Variants in EYA4 observed in about 807,000 individuals in gnomAD.
EYA4 encodes protein phosphatase EYA4.
In EYA4, 31 loss-of-function variants were observed where a neutral mutation model predicts 87.9. The ratio of observed to expected loss-of-function variants is 0.35; its 90% CI spans 0.27 to 0.48. EYA4 has a LOEUF of 0.48. Among genes scored for constraint, EYA4 ranks in the 20% least tolerant of loss-of-function variants. The pLI is 0.99. For missense variants in EYA4, 678 were observed against 761.4 expected (o/e 0.89, Z 1.29); for synonymous variants, 263 against 270.6 (o/e 0.97, Z 0.28).
chr6:133,459,162 C>A (rs1041754072), intron 6 of EYA4, among the ~76,000 whole-genome samples: 2 of 152,052 alleles, frequency 1.3e-5, no homozygotes, highest in African/African-American at 4.8e-5. Context: ...AGTAAAGAAG[C>A]ATAAACTTTC....
intron 2 of EYA4, among the ~76,000 whole-genome samples, chr6:133,308,941 G>A: frequency 7.0e-6 from 1 of 142,294 alleles, no homozygotes; most frequent in Admixed American, 7.2e-5. Context: ...TTTCAGAGAG[G>A]TATTTTTTTG....
chr6:133,516,948 T>C (rs890309340), intron 17 of EYA4, among the ~76,000 whole-genome samples: 3 of 152,196 alleles, frequency 2.0e-5, no homozygotes, highest in Non-Finnish European at 4.4e-5. Context: ...TCCATGTCTT[T>C]GCTATTGTGA....
At chr6:133,441,208 T>C (rs1792249786) in intron 3 of EYA4, among the ~76,000 whole-genome samples, 2 of 152,220 alleles carry the variant, frequency 1.3e-5, no homozygotes, top group Admixed American at 6.5e-5. Flanking sequence ...TAATTTGCAT[T>C]GGCCCAGCTT....
intron 3 of EYA4, among the ~76,000 whole-genome samples, chr6:133,413,327 C>T (rs1297011180): frequency 6.6e-6 from 1 of 152,086 alleles, no homozygotes; most frequent in African/African-American, 2.4e-5. Flanking sequence ...AAAAGCCTGT[C>T]TATTGTGCCT....
In EYA4 at chr6:133,382,421, T is replaced by C; in HGVS notation, c.63T>C (p.Val21=). 1 of 1,611,376 alleles carries C rather than the reference T, an allele frequency of 6.2e-7. No homozygotes were observed. Among genetic ancestry groups the C allele is most frequent in the Non-Finnish European group, 8.5e-7 (1 of 1,177,620 alleles). The change falls in exon 3 of 20, where the codon GTT becomes GTC. Residue 21 remains valine, a synonymous_variant. Transcript: ENST00000355286. ...AGAAAACGTGCACAGAATCAGATGT[T>C]TCACAATCTCAGAATTCCAGGTACA... is the stretch of plus-strand genomic sequence containing the variant. ...SVKKTCTESD[V]SQSQNSRSME...
intron 2 of EYA4, among the ~76,000 whole-genome samples, chr6:133,314,135 G>A (rs1476278356): frequency 1.3e-5 from 2 of 151,942 alleles, no homozygotes; most frequent in South Asian, 4.1e-4. Flanking sequence ...ATATAACTAT[G>A]GTTAAATCAT....
In EYA4 at chr6:133,351,228, G is replaced by T. The variant is rs114099656; in HGVS notation, c.34-31164G>T. On this transcript the variant is annotated intron_variant, in intron 2 of 19. Transcript: ENST00000355286. ...TTACCATTAAGGTGTGAACTTTCAG[G>T]ATCTCAGTTGAATGTGTCCGGTATT... 3.5e-3 allele frequency among the ~76,000 whole-genome samples: 527 copies of T among 152,264 alleles called. 2 individuals carry two copies. Among genetic ancestry groups the T allele is most frequent in the African/African-American group, 0.012 (494 of 41,558 alleles).
intron 11 of EYA4, 83 bp from the exon 12 acceptor site, chr6:133,481,380 T>C: frequency 7.5e-7 from 1 of 1,334,914 alleles, no homozygotes; most frequent in Non-Finnish European, 1.1e-6. Context: ...TGTATAGGAA[T>C]TTGTTAAGAT....
chr6:133,450,047 G>A (rs535958825), intron 5 of EYA4, among the ~76,000 whole-genome samples: 4 of 151,840 alleles, frequency 2.6e-5, no homozygotes, highest in South Asian at 4.2e-4. Flanking sequence ...GTGCAGTGGC[G>A]CGATCTCCGC....
chr6:133,438,589 C>T (rs541507355), intron 3 of EYA4, among the ~76,000 whole-genome samples: 4 of 151,820 alleles, frequency 2.6e-5, no homozygotes, highest in South Asian at 2.1e-4. Flanking sequence ...ACTTTATGGA[C>T]GCTTACTGTA....
chr6:133,476,760 T>C (rs1203192448), intron 11 of EYA4, among the ~76,000 whole-genome samples: 2 of 152,118 alleles, frequency 1.3e-5, no homozygotes, highest in Admixed American at 6.6e-5. Flanking sequence ...TCCTTTGATA[T>C]ATACCCAGCG....
At chr6:133,463,649 C>A (rs565359208) in intron 9 of EYA4, among the ~76,000 whole-genome samples, 3 of 152,128 alleles carry the variant, frequency 2.0e-5, no homozygotes, top group Non-Finnish European at 4.4e-5. Flanking sequence ...GCGTGAGCCA[C>A]CATGCCTAGC....
At chr6:133,439,546 G>A (rs910636408) in intron 3 of EYA4, 4 of 152,256 alleles carry the variant, frequency 2.6e-5, no homozygotes, top group Non-Finnish European at 5.9e-5. Flanking sequence ...GAGTTCAGGA[G>A]AAACCGGAGT....
chr6:133,366,817 A>T (rs1301523989), intron 2 of EYA4, among the ~76,000 whole-genome samples: 2 of 152,226 alleles, frequency 1.3e-5, no homozygotes, highest in Non-Finnish European at 2.9e-5. Flanking sequence ...GTCTTTTTCA[A>T]AGTAGCAATT....
At chr6:133,415,717 A>G (rs1360645807) in intron 3 of EYA4, among the ~76,000 whole-genome samples, 3 of 152,186 alleles carry the variant, frequency 2.0e-5, no homozygotes, top group Non-Finnish European at 4.4e-5. Context: ...TCCTCTGTGC[A>G]CTTTTATGCA....
intron 2 of EYA4, among the ~76,000 whole-genome samples, chr6:133,327,305 T>C (rs114541750): frequency 5.9e-5 from 9 of 152,014 alleles, no homozygotes; most frequent in African/African-American, 2.2e-4. Context: ...GCCAGTCTAA[T>C]TTTTTGAGTA....
At chr6:133,268,375 CA>C (rs1776398470) in intron 1 of EYA4, among the ~76,000 whole-genome samples, 2 of 152,118 alleles carry the variant, frequency 1.3e-5, no homozygotes, top group Non-Finnish European at 2.9e-5. Flanking sequence ...CTTTGCAATC[CA>C]ATGCAGTATT....
chr6:133,261,970 C>G (rs1449820728), intron 1 of EYA4, among the ~76,000 whole-genome samples: 2 of 152,074 alleles, frequency 1.3e-5, no homozygotes, highest in African/African-American at 4.8e-5. Flanking sequence ...TACATTTATC[C>G]AGTAGTAAAA....
chr6:133,438,439 A>G (rs2128603412), intron 3 of EYA4, among the ~76,000 whole-genome samples: 1 of 148,640 alleles, frequency 6.7e-6, no homozygotes, highest in Admixed American at 6.8e-5. Context: ...ATGAGCCCCT[A>G]CACTACTTTG....
Sources: allele counts gnomAD v4.1 joint callset (sites outside exome capture counted in the v4.1 genomes callset), GRCh38; gene constraint gnomAD v4.1.1; transcripts MANE v1.5; gene names NCBI Gene and HGNC (gene_info 2026-07-23, HGNC 2026-07-21).